CNTNAP2: variants seen among roughly 807,000 people sequenced by gnomAD.
CNTNAP2 encodes the protein contactin associated protein 2.
Under a neutral mutation model 155.2 loss-of-function variants are expected in CNTNAP2, and 98 were observed. The ratio of observed to expected loss-of-function variants is 0.63; its 90% CI spans 0.54 to 0.75. The LOEUF (loss-of-function observed/expected upper bound fraction) is 0.75, where lower values mean the gene tolerates loss of function less well. Ranked by LOEUF, CNTNAP2 falls within the 30% of genes least tolerant of loss-of-function variation. The pLI, the probability that CNTNAP2 is intolerant of heterozygous loss-of-function variation, is 0.00. For synonymous variants in CNTNAP2, 651 were observed against 631.2 expected (o/e 1.03, Z -0.47); for missense variants, 1,727 against 1,688.1 (o/e 1.02, Z -0.40).
At chr7:147,199,888 G>T (rs148132966) in intron 8 of CNTNAP2, among the ~76,000 whole-genome samples, 5 of 152,006 alleles carry the variant, frequency 3.3e-5, no homozygotes, top group African/African-American at 1.2e-4. Context: ...TAGCTAGAGA[G>T]GGTTGTCTTA....
intron 21 of CNTNAP2, among the ~76,000 whole-genome samples, chr7:148,359,110 C>A (rs1177949): frequency 0.32 from 49,278 of 152,102 alleles, 8,569 homozygotes; most frequent in Non-Finnish European, 0.39. Flanking sequence ...CATTGCGTTA[C>A]AATTGCCTAC....
intron 4 of CNTNAP2, among the ~76,000 whole-genome samples, chr7:147,089,786 G>C (rs1317170216): frequency 2.6e-5 from 4 of 151,988 alleles, no homozygotes; most frequent in African/African-American, 9.7e-5. Context: ...AGAAATTCTG[G>C]CTTATATTAT....
rs554757007 is a variant in CNTNAP2 at position 148,095,138 on chromosome 7, C to T, written c.2384-22980C>T. 5.5e-4 allele frequency among the ~76,000 whole-genome samples: 84 copies of T among 152,316 alleles called. 1 individual carries two copies. The highest frequency in any genetic ancestry group is 8.5e-4 in the Non-Finnish European group (58 of 68,034). ...GCCTCTGAACTTCCTCCGTCCTGGACCATGGACCAAGCTCAGTCCTGTTTT... is the reference window on the plus strand; with the variant it reads ...GCCTCTGAACTTCCTCCGTCCTGGATCATGGACCAAGCTCAGTCCTGTTTT... On this transcript the variant is annotated intron_variant, in intron 15 of 23. Coordinates refer to ENST00000361727, the MANE Select transcript of CNTNAP2 (RefSeq NM_014141.6).
chr7:146,530,676 C>CCATCT (rs1481879245), intron 1 of CNTNAP2, among the ~76,000 whole-genome samples: 1 of 152,112 alleles, frequency 6.6e-6, no homozygotes, highest in Admixed American at 6.5e-5. Context: ...CAATGAGATA[C>CCATCT]CATCTCACAT....
At chr7:148,202,635 T>A (rs1795386166) in intron 18 of CNTNAP2, among the ~76,000 whole-genome samples, 1 of 152,096 alleles carries the variant, frequency 6.6e-6, no homozygotes, top group Admixed American at 6.5e-5. Flanking sequence ...AGGGAAAAAA[T>A]ATTAAAGTAA....
At chr7:148,228,694 A>G (rs917781862) in intron 19 of CNTNAP2, among the ~76,000 whole-genome samples, 2 of 135,098 alleles carry the variant, frequency 1.5e-5, no homozygotes, top group Non-Finnish European at 3.4e-5. Context: ...CCAGCGTGGT[A>G]GCGTGCGCCT....
intron 14 of CNTNAP2, among the ~76,000 whole-genome samples, chr7:147,926,328 A>C (rs1800397564): frequency 6.6e-6 from 1 of 152,210 alleles, no homozygotes; most frequent in South Asian, 2.1e-4. Context: ...GATTTCAGAG[A>C]TTAGGACTTT....
At chr7:146,237,275 C>T (rs367565123) in intron 1 of CNTNAP2, among the ~76,000 whole-genome samples, 1 of 152,274 alleles carries the variant, frequency 6.6e-6, no homozygotes, top group East Asian at 1.9e-4. Context: ...GTAGCCACCA[C>T]TTTAAATGAA....
chr7:147,699,382 TA>T (rs537734870), intron 13 of CNTNAP2, among the ~76,000 whole-genome samples: 113 of 151,758 alleles, frequency 7.4e-4, no homozygotes, highest in African/African-American at 2.6e-3. Context: ...CTCTCACTCA[TA>T]AGTGGGAGTT....
intron 9 of CNTNAP2, among the ~76,000 whole-genome samples, chr7:147,308,189 T>C (rs535366456): frequency 6.6e-6 from 1 of 152,226 alleles, no homozygotes; most frequent in African/African-American, 2.4e-5. Context: ...GGAAAGCAAG[T>C]GGAACCCGAT....
intron 8 of CNTNAP2, among the ~76,000 whole-genome samples, chr7:147,240,035 T>C (rs1803902541): frequency 6.6e-6 from 1 of 152,232 alleles, no homozygotes; most frequent in Non-Finnish European, 1.5e-5. Context: ...TCTTTGCCAC[T>C]TCCTAGCCAA....
intron 1 of CNTNAP2, among the ~76,000 whole-genome samples, chr7:146,712,796 T>C (rs1801121015): frequency 2.0e-5 from 3 of 152,104 alleles, no homozygotes; most frequent in Admixed American, 1.3e-4. Flanking sequence ...TTTCATATTT[T>C]ACTCCTTTCT....
intron 13 of CNTNAP2, among the ~76,000 whole-genome samples, chr7:147,874,541 G>T (rs1330955960): frequency 6.6e-6 from 1 of 152,274 alleles, no homozygotes; most frequent in Non-Finnish European, 1.5e-5. Context: ...GCACACAGCA[G>T]GGGGGCCCTG....
intron 15 of CNTNAP2, among the ~76,000 whole-genome samples, chr7:147,978,764 A>G (rs1801474524): frequency 6.6e-6 from 1 of 152,066 alleles, no homozygotes; most frequent in East Asian, 1.9e-4. Flanking sequence ...TGGTTTAGGC[A>G]ACTCTCCTGA....
intron 18 of CNTNAP2, among the ~76,000 whole-genome samples, chr7:148,186,769 G>C (rs1040349316): frequency 9.2e-5 from 14 of 152,158 alleles, no homozygotes; most frequent in Admixed American, 8.5e-4. Context: ...GTATTTAATA[G>C]CTGATTCATT....
intron 11 of CNTNAP2, among the ~76,000 whole-genome samples, chr7:147,517,259 A>G (rs1799144562): frequency 6.6e-6 from 1 of 152,174 alleles, no homozygotes; most frequent in Non-Finnish European, 1.5e-5. Flanking sequence ...TGCTATTCAC[A>G]AAGAGTTCTT....
chr7:146,830,987 A>G (rs552370025), intron 2 of CNTNAP2, among the ~76,000 whole-genome samples: 1 of 152,324 alleles, frequency 6.6e-6, no homozygotes, highest in East Asian at 1.9e-4. Context: ...ACATTTTACT[A>G]GTTTACATTT....
intron 1 of CNTNAP2, among the ~76,000 whole-genome samples, chr7:146,310,873 C>T (rs914802429): frequency 6.6e-6 from 1 of 152,084 alleles, no homozygotes; most frequent in African/African-American, 2.4e-5. Flanking sequence ...TACTAATAGC[C>T]ATATAAAACC....
chr7:147,810,641 A>G (rs1488227997), intron 13 of CNTNAP2, among the ~76,000 whole-genome samples: 1 of 152,208 alleles, frequency 6.6e-6, no homozygotes, highest in Non-Finnish European at 1.5e-5. Flanking sequence ...CTTTCTAAAA[A>G]AGCAGTCTTT....
Sources: gnomAD v4.1 joint callset for allele counts (sites outside exome capture counted in the v4.1 genomes callset) on GRCh38, gnomAD v4.1.1 for gene constraint, MANE v1.5 for transcripts, NCBI Gene and HGNC (gene_info 2026-07-23, HGNC 2026-07-21) for gene names.